FOXP2: variants seen among roughly 807,000 people sequenced by gnomAD.
The protein encoded by FOXP2 is forkhead box P2.
Under a neutral mutation model 115.8 loss-of-function variants are expected in FOXP2, and 12 were observed. The observed-to-expected ratio is 0.10, with a 90% CI of 0.07 to 0.17. The LOEUF is 0.17. Ranked by LOEUF, FOXP2 falls within the 10% of genes least tolerant of loss-of-function variation. The pLI is 1.00. For synonymous variants in FOXP2, 328 were observed against 297.7 expected (o/e 1.10, Z -1.05); for missense variants, 629 against 843.5 (o/e 0.75, Z 3.15).
chr7:114,558,091 G>A (rs1800557134), intron 3 of FOXP2, among the ~76,000 whole-genome samples: 1 of 152,156 alleles, frequency 6.6e-6, no homozygotes, highest in South Asian at 2.1e-4. Flanking sequence ...ACAGGCGTGA[G>A]GCACTGCACC....
chr7:114,493,532 T>A (rs914925537), intron 2 of FOXP2, among the ~76,000 whole-genome samples: 3 of 152,156 alleles, frequency 2.0e-5, no homozygotes, highest in East Asian at 1.9e-4. Flanking sequence ...TGCTCCTAAA[T>A]GTGCTCTAAA....
rs113712060 is a variant in FOXP2 at position 114,157,081 on chromosome 7, A to G, written c.-246-5863A>G. ...AACAAAAGATTAAGAAGGACTTAAC[A>G]TAACTGTCTTTGAGTTATACTATAG... is the stretch of plus-strand genomic sequence containing the variant. On this transcript the variant is annotated intron_variant, in intron 1 of 19. Coordinates refer to the FOXP2 transcript ENST00000635638. Among the ~76,000 whole-genome samples, 49 of 152,270 alleles carry G rather than the reference A, an allele frequency of 3.2e-4. 1 individual carries two copies. Among genetic ancestry groups the G allele is most frequent in the African/African-American group, 1.0e-3 (42 of 41,584 alleles).
intron 1 of FOXP2, among the ~76,000 whole-genome samples, chr7:114,220,486 C>G (rs1368217950): frequency 6.6e-6 from 1 of 151,970 alleles, no homozygotes; most frequent in Non-Finnish European, 1.5e-5. Context: ...ATGTACTATT[C>G]TGTTTTACTC....
At position 114,663,436 on chromosome 7, in the gene FOXP2, A is replaced by ATT. The variant is rs398005923; in HGVS notation, c.1770-5_1770-4dup. ...TTTGACGTATAAATGATCTTTATAT[A>ATT]TTTTTTTTTTCAGAAGTCCAACCTT... is the stretch of plus-strand genomic sequence containing the variant. On this transcript the variant is annotated splice_polypyrimidine_tract_variant and intron_variant, in intron 14 of 16. Transcript: ENST00000350908. The ATT allele has an allele frequency of 6.2e-3, 8,647 of 1,384,078 alleles. No homozygotes were observed. The highest frequency in any genetic ancestry group is 7.9e-3 in the Non-Finnish European group (7,835 of 988,614). The allele number at this position is 1,384,078 out of a possible 1,614,324, so 85.7% of individuals were successfully genotyped here. A position where few individuals can be genotyped will look rare whatever the true frequency, so the allele number is the denominator to read the frequency against.
intron 2 of FOXP2, among the ~76,000 whole-genome samples, chr7:114,507,421 T>C (rs1422538294): frequency 1.3e-5 from 2 of 151,986 alleles, no homozygotes; most frequent in East Asian, 1.9e-4. Flanking sequence ...CATAGAGTGA[T>C]GATACTTATT....
intron 2 of FOXP2, among the ~76,000 whole-genome samples, chr7:114,519,083 A>G (rs969723934): frequency 6.6e-6 from 1 of 152,122 alleles, no homozygotes; most frequent in Non-Finnish European, 1.5e-5. Context: ...GGTGTTCTTT[A>G]TCTTATCCCC....
chr7:114,138,920 A>G (rs1792126034), intron 1 of FOXP2, among the ~76,000 whole-genome samples: 2 of 152,194 alleles, frequency 1.3e-5, no homozygotes, highest in African/African-American at 2.4e-5. Flanking sequence ...AAATACGAAC[A>G]AAGTGTGAAC....
intron 2 of FOXP2, among the ~76,000 whole-genome samples, chr7:114,399,457 A>C (rs1053828654): frequency 6.6e-6 from 1 of 152,120 alleles, no homozygotes; most frequent in Non-Finnish European, 1.5e-5. Context: ...ACTGGCTTAC[A>C]AGAATTCCTG....
At chr7:114,417,263 T>C (rs1793389484) in intron 1 of FOXP2, among the ~76,000 whole-genome samples, 1 of 152,022 alleles carries the variant, frequency 6.6e-6, no homozygotes, top group South Asian at 2.1e-4. Flanking sequence ...TGCAATAAAA[T>C]TAAATGCTAC....
intron 2 of FOXP2, among the ~76,000 whole-genome samples, chr7:114,325,215 A>G (rs1377285294): frequency 1.3e-5 from 2 of 152,040 alleles, no homozygotes; most frequent in East Asian, 1.9e-4. Flanking sequence ...ACACTGGACA[A>G]TGGGGAAGTT....
intron 1 of FOXP2, among the ~76,000 whole-genome samples, chr7:114,223,863 AT>A (rs1277833866): frequency 2.0e-5 from 3 of 151,946 alleles, no homozygotes; most frequent in East Asian, 1.9e-4. Context: ...TATCAAAAAA[AT>A]TTTTTTATGG....
At chr7:114,493,989 G>A (rs752209647) in intron 2 of FOXP2, among the ~76,000 whole-genome samples, 1 of 151,924 alleles carries the variant, frequency 6.6e-6, no homozygotes, top group Non-Finnish European at 1.5e-5. Context: ...AATGTCAACA[G>A]TTCTTCTTTC....
intron 1 of FOXP2, among the ~76,000 whole-genome samples, chr7:114,174,163 C>A (rs1793224353): frequency 6.6e-6 from 1 of 151,740 alleles, no homozygotes; most frequent in African/African-American, 2.4e-5. Flanking sequence ...TGTGTGTATG[C>A]TTATGTGTAT....
At chr7:114,592,215 A>G (rs1001475127) in intron 3 of FOXP2, among the ~76,000 whole-genome samples, 1 of 152,074 alleles carries the variant, frequency 6.6e-6, no homozygotes, top group African/African-American at 2.4e-5. Flanking sequence ...ATTGGTGGAT[A>G]AATTATTTCA....
intron 2 of FOXP2, among the ~76,000 whole-genome samples, chr7:114,471,745 T>A (rs937341919): frequency 2.6e-4 from 40 of 151,746 alleles, no homozygotes; most frequent in South Asian, 1.5e-3. Context: ...AGGTCAGGAA[T>A]TTGAGACCAG....
At chr7:114,109,379 C>T (rs530454771) in intron 1 of FOXP2, among the ~76,000 whole-genome samples, 3 of 151,992 alleles carry the variant, frequency 2.0e-5, no homozygotes, top group Admixed American at 6.6e-5. Context: ...ATAATTCATC[C>T]TAATAGTATA....
At chr7:114,605,110 A>G (rs1046387816) in intron 3 of FOXP2, among the ~76,000 whole-genome samples, 33 of 152,292 alleles carry the variant, frequency 2.2e-4, no homozygotes, top group Admixed American at 9.2e-4. Context: ...TGTACTTGTC[A>G]AGAACTCAGA....
chr7:114,226,489 G>T (rs949741171), intron 1 of FOXP2, among the ~76,000 whole-genome samples: 1 of 152,034 alleles, frequency 6.6e-6, no homozygotes, highest in African/African-American at 2.4e-5. Context: ...CTATACAATG[G>T]CTAGGCTGTT....
intron 1 of FOXP2, among the ~76,000 whole-genome samples, chr7:114,187,331 C>A (rs1793633861): frequency 6.6e-6 from 1 of 152,130 alleles, no homozygotes; most frequent in South Asian, 2.1e-4. Flanking sequence ...ATTCTTCAGC[C>A]AGATATCCTA....
Sources: allele counts gnomAD v4.1 joint callset (sites outside exome capture counted in the v4.1 genomes callset), GRCh38; gene constraint gnomAD v4.1.1; transcripts MANE v1.5; gene names NCBI Gene and HGNC (gene_info 2026-07-23, HGNC 2026-07-21).